GRIN2A: variants seen among roughly 807,000 people sequenced by gnomAD.
GRIN2A encodes glutamate ionotropic receptor NMDA type subunit 2A.
Under a neutral mutation model 113.4 loss-of-function variants are expected in GRIN2A, and 22 were observed. The observed-to-expected ratio is 0.19, with a 90% CI of 0.14 to 0.28. The LOEUF (loss-of-function observed/expected upper bound fraction) is 0.28, where lower values mean the gene tolerates loss of function less well. GRIN2A is among the 10% of genes least tolerant of loss of function. GRIN2A has a pLI of 1.00. For synonymous variants in GRIN2A, 827 were observed against 738.4 expected (o/e 1.12, Z -1.94); for missense variants, 1,502 against 1,887.0 (o/e 0.80, Z 3.78).
intron 3 of GRIN2A, among the ~76,000 whole-genome samples, chr16:9,917,604 T>G (rs1380409681): frequency 2.6e-5 from 4 of 152,212 alleles, no homozygotes. Context: ...TTAACTTTTT[T>G]GAAATAAAGA....
intron 11 of GRIN2A, among the ~76,000 whole-genome samples, chr16:9,785,569 C>G (rs1902188611): frequency 6.7e-6 from 1 of 148,990 alleles, no homozygotes; most frequent in Admixed American, 6.7e-5. Context: ...TGCACGTGTA[C>G]CCTAAAACTT....
At chr16:9,839,783 A>AT (rs989420651) in intron 7 of GRIN2A, among the ~76,000 whole-genome samples, 2 of 152,130 alleles carry the variant, frequency 1.3e-5, no homozygotes, top group Admixed American at 1.3e-4. Flanking sequence ...ATGTGATCAT[A>AT]TTTTTTTCAG....
chr16:10,172,306 T>G (rs1482688039), intron 2 of GRIN2A, among the ~76,000 whole-genome samples: 1 of 152,252 alleles, frequency 6.6e-6, no homozygotes, highest in Non-Finnish European at 1.5e-5. Context: ...CCTGGAGTAC[T>G]GTGTTGAGAA....
chr16:10,103,266 A>AC (rs1183770291), intron 2 of GRIN2A, among the ~76,000 whole-genome samples: 2 of 152,188 alleles, frequency 1.3e-5, no homozygotes, highest in Non-Finnish European at 2.9e-5. Context: ...CTGATGTATC[A>AC]CAGCCTCTGA....
chr16:9,960,726 A>T (rs927360894), intron 2 of GRIN2A, among the ~76,000 whole-genome samples: 14 of 152,262 alleles, frequency 9.2e-5, no homozygotes, highest in African/African-American at 3.4e-4. Context: ...CTGGGCTCAA[A>T]CCATCCTCCC....
At chr16:9,943,869 G>A (rs570880670) in intron 2 of GRIN2A, among the ~76,000 whole-genome samples, 1 of 152,334 alleles carries the variant, frequency 6.6e-6, no homozygotes, top group East Asian at 1.9e-4. Context: ...TCTGTGGCCT[G>A]AGTATCTGAA....
intron 2 of GRIN2A, among the ~76,000 whole-genome samples, chr16:10,131,524 G>C (rs767183043): frequency 4.0e-5 from 6 of 151,702 alleles, no homozygotes; most frequent in South Asian, 2.1e-4. Flanking sequence ...GAGGGACAGA[G>C]AGCACCTCTG....
At chr16:10,071,276 C>T (rs2047745129) in intron 2 of GRIN2A, among the ~76,000 whole-genome samples, 1 of 152,092 alleles carries the variant, frequency 6.6e-6, no homozygotes, top group Non-Finnish European at 1.5e-5. Flanking sequence ...AGCAGAAATG[C>T]AATGTAGGAA....
In GRIN2A at chr16:9,763,413, C is replaced by G. The variant is rs773333556; in HGVS notation, c.4131G>C (p.Leu1377Phe). The G allele has an allele frequency of 1.9e-6, 3 of 1,614,022 alleles. No individual in the cohort carries two copies. The African/African-American group carries it at 4.0e-5, about 22-fold the overall frequency. ...FLHSHRDDQR[L>F]VIGRCPSDPY... ...GGTCCGAGGGGCATCTCCCAATAAC[C>G]AAGCGTTGGTCATCCCTGTGGGAGT... Residue 1377 changes from leucine (L) to phenylalanine (F), a missense_variant, in exon 13 of 13, where the codon TTG becomes TTC. Around this residue, in one of 7 missense-constraint regions of GRIN2A, gnomAD observed 832 missense variants for 789.7 expected, o/e 1.05. Transcript: ENST00000330684.
At chr16:10,153,001 A>G (rs937491762) in intron 2 of GRIN2A, among the ~76,000 whole-genome samples, 2 of 152,226 alleles carry the variant, frequency 1.3e-5, no homozygotes, top group African/African-American at 2.4e-5. Context: ...GTATGTCACT[A>G]TAGTGGTGGA....
At chr16:10,151,369 A>G (rs2049566768) in intron 2 of GRIN2A, among the ~76,000 whole-genome samples, 1 of 152,218 alleles carries the variant, frequency 6.6e-6, no homozygotes, top group Non-Finnish European at 1.5e-5. Context: ...ATTGCCAGTT[A>G]GGTGGGGAGG....
At position 9,763,340 on chromosome 16, in the gene GRIN2A, G is replaced by T; in HGVS notation, c.4204C>A (p.Arg1402=). ...GATGCCGTTGACCTCAAGGACGACC[G>T]AAGATAGCTGTCATTCACCGCCTGG... ...PSQAVNDSYL[R]SSLRSTASYC... is the part of the protein sequence containing the mutation. The change falls in exon 13 of 13, where the codon CGG becomes AGG. Residue 1402 remains arginine, a synonymous_variant. Coordinates refer to ENST00000330684, the MANE Select transcript of GRIN2A (RefSeq NM_001134407.3). 1.2e-6 allele frequency: 2 copies of T among 1,614,084 alleles called. No individual in the cohort carries two copies. Among genetic ancestry groups the T allele is most frequent in the Non-Finnish European group, 1.7e-6 (2 of 1,179,982 alleles).
In GRIN2A at chr16:10,120,599, G is replaced by A. The variant is rs558193661; in HGVS notation, c.414+59399C>T. Among the ~76,000 whole-genome samples the A allele has an allele frequency of 2.0e-5, 3 of 152,096 alleles. No homozygotes were observed. In the South Asian group the frequency reaches 6.2e-4, roughly 32 times the overall value. ...TTTTCATTAAGGGAAAAATATACAAGGGGGGTGGATGCAGGGGGCAAGGAG... is the reference window on the plus strand; with the variant it reads ...TTTTCATTAAGGGAAAAATATACAAAGGGGGTGGATGCAGGGGGCAAGGAG... On this transcript the variant is annotated intron_variant, in intron 2 of 12. Transcript: ENST00000330684.
chr16:10,119,178 A>AG (rs371417844), intron 2 of GRIN2A, among the ~76,000 whole-genome samples: 62 of 142,212 alleles, frequency 4.4e-4, no homozygotes, highest in African/African-American at 1.6e-3. Flanking sequence ...TACGAAGCTA[A>AG]GGGAAAAAAA....
At chr16:9,995,993 GA>G (rs1408329674) in intron 2 of GRIN2A, among the ~76,000 whole-genome samples, 1 of 78,228 alleles carries the variant, frequency 1.3e-5, no homozygotes, top group East Asian at 4.2e-4. Context: ...AAAGGAATAG[GA>G]GGAATAAAAA....
intron 2 of GRIN2A, among the ~76,000 whole-genome samples, chr16:10,046,046 G>A (rs768324862): frequency 9.9e-5 from 15 of 152,256 alleles, no homozygotes; most frequent in African/African-American, 1.4e-4. Context: ...CTTCGGGGAG[G>A]GAAAGACAAA....
At chr16:10,073,320 G>C (rs77375941) in intron 2 of GRIN2A, among the ~76,000 whole-genome samples, 10 of 152,112 alleles carry the variant, frequency 6.6e-5, no homozygotes, top group African/African-American at 2.2e-4. Context: ...TGCAGGCAAG[G>C]CCCATGGAAG....
Position 9,891,004 on chromosome 16 carries a change from T to G in GRIN2A, c.1104A>C (p.Lys368Asn). 6.2e-7 allele frequency: 1 copy of G among 1,609,354 alleles called. No individual in the cohort carries two copies. The change falls in exon 4 of 13, where the codon AAA (lysine) becomes AAC (asparagine). Residue 368 changes from lysine to asparagine, a missense_variant. By Grantham distance (94) the Lys-to-Asn change is moderately conservative. Coordinates refer to ENST00000330684, the MANE Select transcript of GRIN2A (RefSeq NM_001134407.3). ...HPRLVVIVLN[K>N]DREWEKVGKW... The stretch of plus-strand genomic sequence containing the variant: ...TGCTCACCTTTTCCCATTCCCGGTC[T>G]TTGTTCAGCACAATCACCACCAGCC...
intron 2 of GRIN2A, among the ~76,000 whole-genome samples, chr16:9,959,154 G>C (rs1370157905): frequency 1.3e-5 from 2 of 152,156 alleles, no homozygotes; most frequent in African/African-American, 4.8e-5. Flanking sequence ...ACAAGGACAA[G>C]TATTCATTTG....
Sources: gnomAD v4.1 joint callset for allele counts (sites outside exome capture counted in the v4.1 genomes callset) on GRCh38, gnomAD v4.1.1 for gene constraint, gnomAD v4.1.1 regional missense constraint, MANE v1.5 for transcripts, NCBI Gene and HGNC (gene_info 2026-07-23, HGNC 2026-07-21) for gene names.